The following PABIR3 variants were observed in gnomAD, a reference collection of about 807,000 sequenced individuals.
PABIR3 encodes the protein PABIR family member 1.
PABIR3 carries 20 observed loss-of-function variants against 23.1 expected under a neutral mutation model. That is an observed-to-expected ratio of 0.86 (90% CI 0.61 to 1.26). PABIR3 has a LOEUF of 1.26. Ranked by LOEUF, PABIR3 falls within the 50% of genes most tolerant of loss-of-function variation. The pLI, the probability that PABIR3 is intolerant of heterozygous loss-of-function variation, is 0.00. For synonymous variants in PABIR3, 69 were observed against 68.5 expected (o/e 1.01, Z -0.04); for missense variants, 189 against 195.4 (o/e 0.97, Z 0.20).
chrX:134,799,454 T>C (rs2080001996), intron 1 of PABIR3, among the ~76,000 whole-genome samples: 1 of 112,562 alleles, frequency 8.9e-6, no homozygotes, highest in South Asian at 3.6e-4. Context: ...GGACCAATGT[T>C]AGACTATCCT....
chrX:134,863,118 C>G, the PABIR3 span, among the ~76,000 whole-genome samples: 16 of 111,902 alleles, frequency 1.4e-4, no homozygotes, highest in Admixed American at 1.0e-3. Context: ...TTCTACATTT[C>G]ATTCTCAGTT....
chrX:134,817,444 G>A (rs747377726), intron 3 of PABIR3, among the ~76,000 whole-genome samples: 2 of 104,142 alleles, frequency 1.9e-5, no homozygotes, highest in African/African-American at 7.1e-5. Context: ...TAGTGGTTTA[G>A]GACCCACTAT....
Position 134,821,547 on chromosome X carries a change from A to G in PABIR3, c.189+6698A>G, listed in dbSNP as rs774054304. 1.2e-5 allele frequency: 14 copies of G among 1,149,027 alleles called. No individual in the cohort carries two copies. In the Admixed American group the frequency reaches 1.3e-4, roughly 11 times the overall value. 94.7% of individuals were successfully genotyped at this position (1,149,027 alleles called of 1,213,427 possible). A position where few individuals can be genotyped will look rare whatever the true frequency, so the allele number is the denominator to read the frequency against. Reference sequence around the variant, plus strand: ...CACCCCCTCCTCTTCCAAAGGAAGCAGGGGAAATGTCTCATCTTCCTAAGA... The same window carrying G: ...CACCCCCTCCTCTTCCAAAGGAAGCGGGGGAAATGTCTCATCTTCCTAAGA... On this transcript the variant is annotated intron_variant, in intron 3 of 10. Coordinates refer to ENST00000645433, the MANE Select transcript of PABIR3 (RefSeq NM_001388447.1).
At chrX:134,833,564 GT>G (rs1321365371) in intron 4 of PABIR3, among the ~76,000 whole-genome samples, 12 of 110,453 alleles carry the variant, frequency 1.1e-4, no homozygotes, top group African/African-American at 4.0e-4. Flanking sequence ...TTTTATTTAT[GT>G]TCCAGGATAC....
At chrX:134,851,301 C>T (rs982237695) in intron 9 of PABIR3, among the ~76,000 whole-genome samples, 2 of 110,774 alleles carry the variant, frequency 1.8e-5, no homozygotes, top group African/African-American at 3.3e-5. Context: ...TTTGGGAGGC[C>T]GAGGCGGGCG....
intron 2 of PABIR3, among the ~76,000 whole-genome samples, chrX:134,811,613 T>A (rs2080673269): frequency 9.0e-6 from 1 of 110,895 alleles, no homozygotes; most frequent in Non-Finnish European, 1.9e-5. Flanking sequence ...TTTTTGTATT[T>A]TTAGTAGAGA....
intron 3 of PABIR3, among the ~76,000 whole-genome samples, chrX:134,823,362 CT>C (rs1395693891): frequency 9.0e-6 from 1 of 111,420 alleles, no homozygotes; most frequent in African/African-American, 3.3e-5. Context: ...GGTTATATAT[CT>C]TTTTCATTAG....
intron 10 of PABIR3, among the ~76,000 whole-genome samples, chrX:134,853,615 C>CT (rs368624003): frequency 0.016 from 1,575 of 100,519 alleles, 33 homozygotes; most frequent in African/African-American, 0.051. Flanking sequence ...AGATTTCTTT[C>CT]TTTTTTTTTT....
intron 9 of PABIR3, 35 bp downstream of exon 9, chrX:134,849,263 T>G (rs937632388): frequency 3.7e-5 from 22 of 600,251 alleles, no homozygotes; most frequent in Non-Finnish European, 4.5e-5. Flanking sequence ...AAATATAACT[T>G]TAAGTTATTT....
chrX:134,845,779 C>T (rs1278849178), intron 6 of PABIR3, among the ~76,000 whole-genome samples: 1 of 112,000 alleles, frequency 8.9e-6, no homozygotes, highest in Non-Finnish European at 1.9e-5. Flanking sequence ...TTTTGTGACA[C>T]AAAACCATAG....
chrX:134,832,394 CTTTT>C (rs1162024470), intron 4 of PABIR3, among the ~76,000 whole-genome samples: 22 of 77,021 alleles, frequency 2.9e-4, no homozygotes, highest in African/African-American at 1.3e-3. Context: ...GACTGGATCC[CTTTT>C]TTTTTTTTTT....
At chrX:134,798,068 G>C (rs1240165418) in intron 1 of PABIR3, among the ~76,000 whole-genome samples, 1 of 111,773 alleles carries the variant, frequency 8.9e-6, no homozygotes, top group Admixed American at 9.5e-5. Flanking sequence ...TGATCCACCC[G>C]CCTCGGCCTC....
At chrX:134,824,733 G>A (rs761544577) in intron 3 of PABIR3, among the ~76,000 whole-genome samples, 56 of 111,923 alleles carry the variant, frequency 5.0e-4, no homozygotes, top group Non-Finnish European at 8.8e-4. Context: ...CCAGGAGGTG[G>A]AGGTTGCATT....
chrX:134,847,399 A>G lies in PABIR3; in HGVS notation c.362A>G (p.Gln121Arg), dbSNP rs2082470315. 2.5e-6 allele frequency: 3 copies of G among 1,204,480 alleles called. No individual in the cohort carries two copies. Among genetic ancestry groups the G allele is most frequent in the Non-Finnish European group, 3.4e-6 (3 of 890,861 alleles). ...EGLKLNDNGL[Q>R]KSSSLKCIDL... is the part of the protein sequence containing the mutation. The stretch of plus-strand genomic sequence containing the variant: ...CTTACACAGAATGACAATGGCTTAC[A>G]GAAATCATCCTCTCTAAAGTGCATT... Residue 121 changes from glutamine (Q) to arginine (R), a missense_variant, in exon 7 of 11, where the codon CAG (glutamine) becomes CGG (arginine). Gln to Arg is a conservative substitution (Grantham distance 43, BLOSUM62 1). Coordinates refer to ENST00000645433, the MANE Select transcript of PABIR3 (RefSeq NM_001388447.1).
At chrX:134,807,890 G>A (rs1010920422) in intron 2 of PABIR3, among the ~76,000 whole-genome samples, 182 bp downstream of exon 2, 85 of 111,208 alleles carry the variant, frequency 7.6e-4, no homozygotes, top group Admixed American at 9.5e-4. Flanking sequence ...CTGACCTGAG[G>A]GGGAGCGCGC....
At chrX:134,832,599 G>A (rs187756593) in intron 4 of PABIR3, among the ~76,000 whole-genome samples, 31 of 108,661 alleles carry the variant, frequency 2.9e-4, no homozygotes, top group African/African-American at 1.0e-3. Context: ...ACAGGGTTTC[G>A]CCATGTTGCC....
At chrX:134,855,057 A>G (rs2082740094), downstream of PABIR3, among the ~76,000 whole-genome samples, 1 of 111,145 alleles carries the variant, frequency 9.0e-6, no homozygotes, top group South Asian at 3.7e-4. Flanking sequence ...CCTAAGGTCT[A>G]TAAATGTTTG....
At chrX:134,797,764 A>G (rs1267626754) in intron 1 of PABIR3, among the ~76,000 whole-genome samples, 2 of 110,816 alleles carry the variant, frequency 1.8e-5, no homozygotes, top group Non-Finnish European at 3.8e-5. Context: ...CTTACTAGGA[A>G]TTACAGAGTC....
At position 134,828,047 on chromosome X, in the gene PABIR3, C is replaced by CTCTATA. The variant is rs1466733144; in HGVS notation, c.190-1178_190-1177insCTATAT. ...TCTCTCTCTCTCTCTCTCTCTCTCT[C>CTCTATA]TATATATATATATATATATATATGT... On this transcript the variant is annotated intron_variant, in intron 3 of 10. Coordinates refer to ENST00000645433, the MANE Select transcript of PABIR3 (RefSeq NM_001388447.1). 4.8e-3 allele frequency among the ~76,000 whole-genome samples: 236 copies of CTCTATA among 49,400 alleles called. 1 individual carries two copies. The highest frequency in any genetic ancestry group is 0.015 in the Middle Eastern group (1 of 67). The allele number at this position is 49,400 out of a possible 115,157, so 42.9% of individuals were successfully genotyped here.
Sources: gnomAD v4.1 joint callset for allele counts (sites outside exome capture counted in the v4.1 genomes callset) on GRCh38, gnomAD v4.1.1 for gene constraint, MANE v1.5 for transcripts, NCBI Gene and HGNC (gene_info 2026-07-23, HGNC 2026-07-21) for gene names.